The following MERTK variants were observed in gnomAD, a reference collection of about 807,000 sequenced individuals.
The protein encoded by MERTK is tyrosine-protein kinase Mer.
In MERTK, 69 loss-of-function variants were observed where a neutral mutation model predicts 99.3. The ratio of observed to expected loss-of-function variants is 0.70; its 90% CI spans 0.57 to 0.85. The LOEUF (loss-of-function observed/expected upper bound fraction) is 0.85, where lower values mean the gene tolerates loss of function less well. Ranked by LOEUF, MERTK falls within the 40% of genes least tolerant of loss-of-function variation. The pLI, the probability that MERTK is intolerant of heterozygous loss-of-function variation, is 0.00. For missense variants in MERTK, 1,125 were observed against 1,249.4 expected (o/e 0.90, Z 1.50); for synonymous variants, 426 against 467.6 (o/e 0.91, Z 1.15).
intron 4 of MERTK, among the ~76,000 whole-genome samples, chr2:111,953,323 C>T (rs997440194): frequency 2.0e-5 from 3 of 152,174 alleles, no homozygotes; most frequent in East Asian, 1.9e-4. Context: ...TAAATCAATA[C>T]GCAGTATACC....
intron 18 of MERTK, 145 bp downstream of exon 18, chr2:112,022,539 AC>A (rs1362167276): frequency 2.4e-6 from 3 of 1,225,160 alleles, no homozygotes; most frequent in South Asian, 1.2e-5. Flanking sequence ...ACCCACAGAC[AC>A]CCCAGCCCAG....
chr2:111,935,408 A>T (rs553823157), intron 2 of MERTK, among the ~76,000 whole-genome samples: 1 of 152,270 alleles, frequency 6.6e-6, no homozygotes, highest in South Asian at 2.1e-4. Context: ...ATTAATTTAG[A>T]GGAGGAGGAA....
At chr2:111,933,029 G>A (rs1362307923) in intron 2 of MERTK, among the ~76,000 whole-genome samples, 2 of 152,188 alleles carry the variant, frequency 1.3e-5, no homozygotes. Flanking sequence ...TTTTAATCAA[G>A]GTGAACTTTA....
intron 8 of MERTK, among the ~76,000 whole-genome samples, chr2:111,986,611 T>G (rs1423510378): frequency 6.6e-6 from 1 of 152,216 alleles, no homozygotes; most frequent in Non-Finnish European, 1.5e-5. Flanking sequence ...TGACTGTGGC[T>G]GGAGAGCCTT....
chr2:111,980,653 C>T (rs940129446), intron 7 of MERTK, among the ~76,000 whole-genome samples: 2 of 152,146 alleles, frequency 1.3e-5, no homozygotes, highest in East Asian at 1.9e-4. Context: ...CTCCTGACCT[C>T]GTGACCCACC....
At chr2:112,021,818 T>C (rs534726971) in intron 17 of MERTK, among the ~76,000 whole-genome samples, 14 of 152,346 alleles carry the variant, frequency 9.2e-5, no homozygotes, top group African/African-American at 3.4e-4. Flanking sequence ...CCTTAATTTC[T>C]TCCCATTTTT....
intron 8 of MERTK, among the ~76,000 whole-genome samples, chr2:111,984,929 G>A (rs942405558): frequency 3.9e-5 from 6 of 152,186 alleles, no homozygotes; most frequent in Admixed American, 3.9e-4. Context: ...ACCACTGTGT[G>A]CTTGGAACTG....
chr2:112,002,733 G>A (rs923061528), intron 11 of MERTK, among the ~76,000 whole-genome samples: 1 of 152,178 alleles, frequency 6.6e-6, no homozygotes, highest in Non-Finnish European at 1.5e-5. Context: ...CAGCACTTTG[G>A]GAGGCCGAGG....
intron 1 of MERTK, chr2:111,912,987 A>G (rs895315691): frequency 4.2e-5 from 41 of 968,012 alleles, no homozygotes; most frequent in Non-Finnish European, 4.7e-5. Context: ...AACTGGGGAC[A>G]ATTCCAGTGA....
At chr2:111,917,849 C>T (rs947465648) in intron 1 of MERTK, among the ~76,000 whole-genome samples, 1 of 150,146 alleles carries the variant, frequency 6.7e-6, no homozygotes, top group African/African-American at 2.5e-5. Flanking sequence ...CGTGCGACTA[C>T]ACTCCAGCCT....
At chr2:112,021,913 T>C (rs553113554) in intron 17 of MERTK, among the ~76,000 whole-genome samples, 38 of 152,286 alleles carry the variant, frequency 2.5e-4, no homozygotes, top group African/African-American at 8.7e-4. Context: ...CACTGGCTCT[T>C]GGAACCTAGA....
At chr2:111,940,847 G>T in intron 2 of MERTK, 1 of 879,740 alleles carries the variant, frequency 1.1e-6, no homozygotes, top group Non-Finnish European at 1.9e-6. Flanking sequence ...ACATCTCTGA[G>T]ATACTTTTGA....
intron 18 of MERTK, among the ~76,000 whole-genome samples, chr2:112,027,691 C>T (rs776082175): frequency 6.6e-6 from 1 of 152,178 alleles, no homozygotes; most frequent in Non-Finnish European, 1.5e-5. Context: ...CCACTGTCAT[C>T]TTCATTACAA....
At chr2:111,958,740 A>G (rs7573344) in intron 4 of MERTK, among the ~76,000 whole-genome samples, 16,254 of 152,136 alleles carry the variant, frequency 0.11, 1,144 homozygotes, top group East Asian at 0.24. Context: ...GTTCTGTGAT[A>G]ATGTTTCCCT....
chr2:112,015,862 T>C (rs2104418531), intron 15 of MERTK: 1 of 154,510 alleles, frequency 6.5e-6, no homozygotes, highest in East Asian at 1.9e-4. Flanking sequence ...TGAGATTTAG[T>C]TTAAGGTTTG....
At chr2:111,898,823 C>T (rs1264414105) in intron 1 of MERTK, 27 bp downstream of exon 1, 2 of 1,570,508 alleles carry the variant, frequency 1.3e-6, no homozygotes, top group South Asian at 1.2e-5. Context: ...GGGGGCCAGG[C>T]GAGGGGGTGG....
At chr2:111,899,249 C>G (rs942008750) in intron 1 of MERTK, among the ~76,000 whole-genome samples, 3 of 152,204 alleles carry the variant, frequency 2.0e-5, no homozygotes, top group Non-Finnish European at 4.4e-5. Flanking sequence ...TCCCGAGGGA[C>G]CGGCGCGGGG....
intron 15 of MERTK, 41 bp from the exon 16 acceptor site, chr2:112,019,353 CTGCTTGCAAGTTTTCCTTT>C (rs1238512668): frequency 7.8e-7 from 1 of 1,286,986 alleles, no homozygotes; most frequent in South Asian, 1.2e-5. Flanking sequence ...CCGGCAGAAA[CTGCTTGCAAGTTTTCCTTT>C]TTAAAAGATA....
intron 13 of MERTK, among the ~76,000 whole-genome samples, chr2:112,005,937 A>G (rs564239740): frequency 7.9e-5 from 12 of 152,166 alleles, no homozygotes; most frequent in African/African-American, 2.7e-4. Flanking sequence ...GCTGGAGTGC[A>G]GTGGCATGAA....
Sources: allele counts gnomAD v4.1 joint callset (sites outside exome capture counted in the v4.1 genomes callset), GRCh38; gene constraint gnomAD v4.1.1; transcripts MANE v1.5; gene names NCBI Gene and HGNC (gene_info 2026-07-23, HGNC 2026-07-21).